VIPR2: variants seen among roughly 807,000 people sequenced by gnomAD.
The protein encoded by VIPR2 is vasoactive intestinal peptide receptor 2, also known as vasoactive intestinal polypeptide receptor 2.
In VIPR2, 48 loss-of-function variants were observed where a neutral mutation model predicts 58.0. The ratio of observed to expected loss-of-function variants is 0.83; its 90% CI spans 0.66 to 1.05. The LOEUF is 1.05. Among genes scored for constraint, VIPR2 ranks in the 50% least tolerant of loss-of-function variants. The pLI is 0.00. For synonymous variants in VIPR2, 243 were observed against 235.2 expected (o/e 1.03, Z -0.30); for missense variants, 534 against 558.0 (o/e 0.96, Z 0.43).
intron 1 of VIPR2, among the ~76,000 whole-genome samples, chr7:159,143,746 C>G (rs964882384): frequency 6.6e-6 from 1 of 152,242 alleles, no homozygotes; most frequent in African/African-American, 2.4e-5. Context: ...ATTAATAATA[C>G]CTGACGTTCC....
At position 159,115,593 on chromosome 7, in the gene VIPR2, T is replaced by C. The variant is rs148155963; in HGVS notation, c.152-5674A>G. Among the ~76,000 whole-genome samples, 97 of 152,366 alleles carry C rather than the reference T, an allele frequency of 6.4e-4. No individual in the cohort carries two copies. In the East Asian group the frequency reaches 0.015, roughly 23 times the overall value. On this transcript the variant is annotated intron_variant, in intron 2 of 12. Transcript: ENST00000262178. ...CTGGCTGAAACAGGACTTCAATCTGTCTGCTTTGGACGTCTCACCTTAATT... is the reference window on the plus strand; with the variant it reads ...CTGGCTGAAACAGGACTTCAATCTGCCTGCTTTGGACGTCTCACCTTAATT...
At chr7:159,091,502 T>A (rs555899374) in intron 4 of VIPR2, among the ~76,000 whole-genome samples, 11 of 152,326 alleles carry the variant, frequency 7.2e-5, no homozygotes, top group African/African-American at 2.4e-4. Context: ...ACGGAAGGGA[T>A]GTGAAAGGTT....
intron 2 of VIPR2, among the ~76,000 whole-genome samples, chr7:159,116,033 C>G (rs917776549): frequency 6.6e-6 from 1 of 152,210 alleles, no homozygotes; most frequent in African/African-American, 2.4e-5. Flanking sequence ...GGTCTTGTCC[C>G]CACCCTGCTA....
At position 159,096,852 on chromosome 7, in the gene VIPR2, G is replaced by A. The variant is rs568908306; in HGVS notation, c.357+6905C>T. ...CGGCCCACCTCGGGATGCTTCCGCC[G>A]TACTGTGTCCATGGCTGAGACCACC... On this transcript the variant is annotated intron_variant, in intron 4 of 12. Transcript: ENST00000262178. The surrounding 1 kb of genome is among the most constrained non-coding windows in gnomAD (Gnocchi z 5.5). 3.3e-5 allele frequency: 51 copies of A among 1,531,286 alleles called. 1 individual carries two copies. Among genetic ancestry groups the A allele is most frequent in the South Asian group, 1.3e-4 (11 of 82,268 alleles). 94.9% of individuals were successfully genotyped at this position (1,531,286 alleles called of 1,614,324 possible).
At chr7:159,142,377 C>T in intron 2 of VIPR2, 69 bp downstream of exon 2, 2 of 1,199,734 alleles carry the variant, frequency 1.7e-6, no homozygotes, top group Admixed American at 1.9e-5. Context: ...CCCTGAACCA[C>T]AGCTGAGTGA....
intron 4 of VIPR2, among the ~76,000 whole-genome samples, chr7:159,067,838 G>T (rs1856175170): frequency 6.6e-6 from 1 of 152,242 alleles, no homozygotes; most frequent in African/African-American, 2.4e-5. Flanking sequence ...TAATCTCATA[G>T]GTTCAAGGCT....
At chr7:159,133,551 G>A (rs1157583972) in intron 2 of VIPR2, among the ~76,000 whole-genome samples, 1 of 152,246 alleles carries the variant, frequency 6.6e-6, no homozygotes, top group Non-Finnish European at 1.5e-5. Context: ...AACTTTATCT[G>A]CCAAGAACAC....
At chr7:159,119,159 G>A (rs1796357379) in intron 2 of VIPR2, among the ~76,000 whole-genome samples, 1 of 152,176 alleles carries the variant, frequency 6.6e-6, no homozygotes, top group South Asian at 2.1e-4. Flanking sequence ...ACAGGCCCTG[G>A]CGATTCTGAC....
intron 4 of VIPR2, among the ~76,000 whole-genome samples, chr7:159,100,538 T>G (rs1858141723): frequency 6.6e-6 from 1 of 151,790 alleles, no homozygotes; most frequent in African/African-American, 2.4e-5. Flanking sequence ...CAGTAACACC[T>G]GCCAATGCCA....
intron 4 of VIPR2, among the ~76,000 whole-genome samples, chr7:159,101,550 T>A (rs1349552219): frequency 3.6e-5 from 2 of 55,108 alleles, no homozygotes; most frequent in East Asian, 6.4e-4. Flanking sequence ...GCGGTTCCCC[T>A]GACTGTTCCT....
intron 4 of VIPR2, among the ~76,000 whole-genome samples, chr7:159,071,604 AC>A (rs1366289255): frequency 6.6e-6 from 1 of 152,182 alleles, no homozygotes; most frequent in African/African-American, 2.4e-5. Context: ...TAATGAGTGA[AC>A]CCGTCCATAT....
chr7:159,120,834 T>C (rs541571699), intron 2 of VIPR2, among the ~76,000 whole-genome samples: 182 of 152,316 alleles, frequency 1.2e-3, no homozygotes, highest in African/African-American at 4.2e-3. Context: ...CTGTCCACTC[T>C]TTGAAAATGC....
intron 4 of VIPR2, among the ~76,000 whole-genome samples, chr7:159,088,131 A>G (rs573503974): frequency 3.0e-4 from 46 of 152,336 alleles, no homozygotes; most frequent in African/African-American, 1.0e-3. Flanking sequence ...CTGACAGTCA[A>G]GAATGGTTCT....
chr7:159,107,709 G>C (rs544162137), intron 3 of VIPR2, among the ~76,000 whole-genome samples: 1 of 152,212 alleles, frequency 6.6e-6, no homozygotes, highest in South Asian at 2.1e-4. Flanking sequence ...GCAGGGCAGG[G>C]TTAGGACCCG....
At chr7:159,075,552 G>T (rs1856591688) in intron 4 of VIPR2, among the ~76,000 whole-genome samples, 1 of 151,916 alleles carries the variant, frequency 6.6e-6, no homozygotes, top group South Asian at 2.1e-4. Context: ...GGCCAGTGAG[G>T]AGCCCAGGGC....
At chr7:159,071,461 G>A (rs1856383792) in intron 4 of VIPR2, among the ~76,000 whole-genome samples, 1 of 152,180 alleles carries the variant, frequency 6.6e-6, no homozygotes, top group African/African-American at 2.4e-5. Context: ...CCTGGCACTG[G>A]CTTTTCCATG....
chr7:159,119,386 G>A (rs1056812079), intron 2 of VIPR2, among the ~76,000 whole-genome samples: 2 of 152,174 alleles, frequency 1.3e-5, no homozygotes, highest in African/African-American at 2.4e-5. Flanking sequence ...GCAGGGTGGC[G>A]GCACTCAGAG....
At chr7:159,094,486 C>T (rs144147901) in intron 4 of VIPR2, among the ~76,000 whole-genome samples, 85 of 152,332 alleles carry the variant, frequency 5.6e-4, no homozygotes, top group Admixed American at 8.5e-4. Context: ...GTCGTGGCCA[C>T]GTGCACAGGC....
At chr7:159,058,299 T>C (rs963464713) in intron 5 of VIPR2, among the ~76,000 whole-genome samples, 182 bp downstream of exon 5, 2 of 152,204 alleles carry the variant, frequency 1.3e-5, no homozygotes, top group African/African-American at 4.8e-5. Context: ...CTTTACATAA[T>C]AAATGCAGAG....
Sources: gnomAD v4.1 joint callset for allele counts (sites outside exome capture counted in the v4.1 genomes callset) on GRCh38, gnomAD v4.1.1 for gene constraint, Gnocchi (gnomAD v3.1) non-coding constraint, MANE v1.5 for transcripts, NCBI Gene and HGNC (gene_info 2026-07-23, HGNC 2026-07-21) for gene names.